GPC5: variants seen among roughly 807,000 people sequenced by gnomAD.
The protein encoded by GPC5 is glypican 5, also known as glypican-5.
GPC5 carries 47 observed loss-of-function variants against 53.9 expected under a neutral mutation model. The observed-to-expected ratio is 0.87, with a 90% CI of 0.69 to 1.11. The LOEUF is 1.11. Among genes scored for constraint, GPC5 ranks in the 50% most tolerant of loss-of-function variants. GPC5 has a pLI of 0.00. For synonymous variants in GPC5, 286 were observed against 263.3 expected, an observed-to-expected ratio of 1.09 and a Z score of -0.84; for missense variants, 748 against 713.1, an observed-to-expected ratio of 1.05 and a Z score of -0.56.
intron 2 of GPC5, among the ~76,000 whole-genome samples, chr13:91,541,227 T>G (rs1308291621): frequency 6.6e-6 from 1 of 152,180 alleles, no homozygotes; most frequent in Non-Finnish European, 1.5e-5. Flanking sequence ...TGCTACATAT[T>G]TTTTGTTCTT....
intron 7 of GPC5, among the ~76,000 whole-genome samples, chr13:92,769,839 A>C (rs1001160634): frequency 3.3e-5 from 5 of 152,182 alleles, no homozygotes; most frequent in Non-Finnish European, 7.3e-5. Flanking sequence ...ATTAATTCAT[A>C]CTCAGATAAT....
At chr13:92,168,486 A>C (rs2042047201) in intron 7 of GPC5, among the ~76,000 whole-genome samples, 1 of 152,224 alleles carries the variant, frequency 6.6e-6, no homozygotes. Context: ...TTAAATTTAC[A>C]AGAAAAAAGC....
intron 5 of GPC5, among the ~76,000 whole-genome samples, chr13:91,780,530 T>C (rs1321173040): frequency 6.6e-6 from 1 of 152,184 alleles, no homozygotes; most frequent in African/African-American, 2.4e-5. Context: ...TACCCTTCTA[T>C]GAGCTTTAAG....
At chr13:92,730,498 G>T (rs769647270) in intron 7 of GPC5, among the ~76,000 whole-genome samples, 1 of 151,264 alleles carries the variant, frequency 6.6e-6, no homozygotes, top group Non-Finnish European at 1.5e-5. Context: ...TGTCTTCCAG[G>T]AGTTTTATAA....
intron 1 of GPC5, among the ~76,000 whole-genome samples, chr13:91,436,673 G>A (rs1326987557): frequency 6.6e-6 from 1 of 152,140 alleles, no homozygotes; most frequent in East Asian, 1.9e-4. Context: ...GTTGATTTGG[G>A]GTGGAGAGTT....
At chr13:92,803,619 T>C (rs1183488882) in intron 7 of GPC5, among the ~76,000 whole-genome samples, 1 of 151,928 alleles carries the variant, frequency 6.6e-6, no homozygotes, top group African/African-American at 2.4e-5. Flanking sequence ...ACTAATTTTA[T>C]ATATCCCACT....
intron 7 of GPC5, among the ~76,000 whole-genome samples, chr13:92,830,153 T>A (rs1230434352): frequency 6.6e-6 from 1 of 152,184 alleles, no homozygotes; most frequent in African/African-American, 2.4e-5. Context: ...TGTGCTTGCA[T>A]AAACGTCCCT....
intron 5 of GPC5, among the ~76,000 whole-genome samples, chr13:91,810,020 G>A (rs2038285185): frequency 6.6e-6 from 1 of 151,906 alleles, no homozygotes; most frequent in Non-Finnish European, 1.5e-5. Flanking sequence ...AATAAGTGTG[G>A]TATAAAATTG....
intron 7 of GPC5, among the ~76,000 whole-genome samples, chr13:92,761,912 GA>G (rs1426968613): frequency 2.0e-5 from 3 of 152,086 alleles, no homozygotes; most frequent in African/African-American, 7.2e-5. Flanking sequence ...CCTGGCAGCT[GA>G]GAATATTATA....
At chr13:91,951,479 T>A (rs1476292395) in intron 6 of GPC5, among the ~76,000 whole-genome samples, 1 of 152,212 alleles carries the variant, frequency 6.6e-6, no homozygotes, top group Non-Finnish European at 1.5e-5. Context: ...AGTACATTCA[T>A]ACTTTTAATT....
At chr13:92,719,983 C>T (rs1888458967) in intron 7 of GPC5, 1 of 152,160 alleles carries the variant, frequency 6.6e-6, no homozygotes, top group Non-Finnish European at 1.5e-5. Flanking sequence ...TGCTGTTACC[C>T]ATACCAAAGA....
intron 6 of GPC5, among the ~76,000 whole-genome samples, chr13:91,934,279 CA>C (rs1241111188): frequency 1.3e-5 from 2 of 151,878 alleles, no homozygotes; most frequent in Non-Finnish European, 2.9e-5. Flanking sequence ...AGCATTTTTA[CA>C]TCTGCCTTGC....
rs1487503363 is a variant in GPC5 at position 92,529,474 on chromosome 13, A to C, written c.1562-336808A>C. 2.6e-5 allele frequency among the ~76,000 whole-genome samples: 4 copies of C among 152,332 alleles called. No individual in the cohort carries two copies. In the East Asian group the frequency reaches 7.7e-4, roughly 29 times the overall value. On this transcript the variant is annotated intron_variant, in intron 7 of 7. Coordinates refer to ENST00000377067, the MANE Select transcript of GPC5 (RefSeq NM_004466.6). ...CAAATCTCCAGTAATTGAAGAATTA[A>C]TGATCAAATCAGCAACACACATAAT...
At chr13:92,103,950 C>T (rs1037895210) in intron 6 of GPC5, among the ~76,000 whole-genome samples, 1 of 152,150 alleles carries the variant, frequency 6.6e-6, no homozygotes, top group South Asian at 2.1e-4. Flanking sequence ...GAATTCCTTT[C>T]AAGGTCAACT....
intron 7 of GPC5, among the ~76,000 whole-genome samples, chr13:92,332,364 T>C (rs2043293960): frequency 6.6e-6 from 1 of 152,216 alleles, no homozygotes; most frequent in Admixed American, 6.5e-5. Context: ...AAGTGGCTTT[T>C]AGCAGTGAGG....
At chr13:92,631,068 AAT>A (rs1283846607) in intron 7 of GPC5, among the ~76,000 whole-genome samples, 2 of 152,130 alleles carry the variant, frequency 1.3e-5, no homozygotes, top group African/African-American at 4.8e-5. Flanking sequence ...ATAAACATAA[AAT>A]ATATCATATA....
Position 91,693,792 on chromosome 13 carries a change from G to A in GPC5, c.931G>A (p.Asp311Asn), listed in dbSNP as rs754224485. The A allele has an allele frequency of 8.1e-6, 13 of 1,613,818 alleles. No individual in the cohort carries two copies. Among genetic ancestry groups the A allele is most frequent in the African/African-American group, 5.3e-5 (4 of 74,912 alleles). The change falls in exon 3 of 8, where the codon GAC (aspartate) becomes AAC (asparagine). Residue 311 changes from aspartate to asparagine, a missense_variant. Coordinates refer to ENST00000377067, the MANE Select transcript of GPC5 (RefSeq NM_004466.6). Reference protein sequence around the residue: ...ELSDAMHGTYDIGHVLLNFHL... With the variant: ...ELSDAMHGTYNIGHVLLNFHL... ...CTCGGATGCAATGCATGGAACATAC[G>A]ACATTGGACACGTGCTGCTGAACTT...
chr13:92,508,883 G>A (rs1435070038), intron 7 of GPC5, among the ~76,000 whole-genome samples: 1 of 152,148 alleles, frequency 6.6e-6, no homozygotes, highest in Non-Finnish European at 1.5e-5. Flanking sequence ...TGAAAGATAA[G>A]ATTTTAAGCA....
rs528433522 is a variant in GPC5, at chr13:91,687,904, C to T, written c.326-5283C>T. 1.8e-4 allele frequency among the ~76,000 whole-genome samples: 27 copies of T among 152,032 alleles called. No homozygotes were observed. The South Asian group carries it at 2.5e-3, about 14-fold the overall frequency. On this transcript the variant is annotated intron_variant, in intron 2 of 7. Coordinates refer to ENST00000377067, the MANE Select transcript of GPC5 (RefSeq NM_004466.6). ...GTATTATAACTGTAATGAAAGAAAC[C>T]GTAGTTTCTCTTTCATAATTAAGTA...
Sources: gnomAD v4.1 joint callset for allele counts (sites outside exome capture counted in the v4.1 genomes callset) on GRCh38, gnomAD v4.1.1 for gene constraint, MANE v1.5 for transcripts, NCBI Gene and HGNC (gene_info 2026-07-23, HGNC 2026-07-21) for gene names.